Variants in RANBP10 observed in about 807,000 individuals in gnomAD.
RANBP10 encodes RAN binding protein 10, also known as ran-binding protein 10.
RANBP10 carries 24 observed loss-of-function variants against 72.8 expected under a neutral mutation model. That is an observed-to-expected ratio of 0.33 (90% CI 0.24 to 0.46). The LOEUF (loss-of-function observed/expected upper bound fraction) is 0.46, where lower values mean the gene tolerates loss of function less well. RANBP10 is among the 20% of genes least tolerant of loss of function. The pLI is 1.00. For missense variants in RANBP10, 679 were observed against 817.5 expected (o/e 0.83, Z 2.07); for synonymous variants, 310 against 322.3 (o/e 0.96, Z 0.41).
intron 2 of RANBP10, among the ~76,000 whole-genome samples, chr16:67,794,946 CAA>C (rs58774846): frequency 2.1e-5 from 2 of 97,272 alleles, no homozygotes; most frequent in Admixed American, 1.1e-4. Context: ...AAAAAAAAAA[CAA>C]AAAAAAAAAA....
At chr16:67,799,748 C>CACCCCTGGATA (rs1391477229) in intron 2 of RANBP10, among the ~76,000 whole-genome samples, 24 of 152,116 alleles carry the variant, frequency 1.6e-4, no homozygotes, top group Non-Finnish European at 2.4e-4. Flanking sequence ...TCCTCCAGGC[C>CACCCCTGGATA]ACCCCTGGAT....
chr16:67,767,658 G>A (rs1007768440), intron 3 of RANBP10, among the ~76,000 whole-genome samples: 1 of 151,538 alleles, frequency 6.6e-6, no homozygotes, highest in Non-Finnish European at 1.5e-5. Context: ...GTGCTAGGGC[G>A]CTACCTCAGC....
chr16:67,791,938 G>C (rs1408093100), intron 2 of RANBP10, among the ~76,000 whole-genome samples: 1 of 151,578 alleles, frequency 6.6e-6, no homozygotes, highest in African/African-American at 2.4e-5. Context: ...ACCAGCCTTT[G>C]ATAGGCCAAG....
intron 2 of RANBP10, among the ~76,000 whole-genome samples, chr16:67,800,369 G>A (rs1381264756): frequency 6.6e-6 from 1 of 152,128 alleles, no homozygotes; most frequent in Non-Finnish European, 1.5e-5. Context: ...CTTGGGTAAA[G>A]CAACCATCAC....
chr16:67,758,166 G>C lies in RANBP10; in HGVS notation c.401-13711C>G, dbSNP rs115860219. Among the ~76,000 whole-genome samples the C allele has an allele frequency of 3.0e-3, 454 of 152,308 alleles. 1 individual carries two copies. Among genetic ancestry groups the C allele is most frequent in the African/African-American group, 0.011 (443 of 41,558 alleles). The stretch of plus-strand genomic sequence containing the variant: ...GGAACGGCCCAGGGGGGCCAGGCTG[G>C]GTCTAGCTGGGTCTGGATAGGACAT... On this transcript the variant is annotated intron_variant, in intron 3 of 13. Transcript: ENST00000317506.
chr16:67,752,807 C>T (rs2054220847), intron 3 of RANBP10, among the ~76,000 whole-genome samples: 1 of 152,116 alleles, frequency 6.6e-6, no homozygotes, highest in Non-Finnish European at 1.5e-5. Flanking sequence ...ATCTGCTTGC[C>T]ACCAAATAAC....
At chr16:67,752,579 G>GA (rs1277962313) in intron 3 of RANBP10, among the ~76,000 whole-genome samples, 5 of 152,058 alleles carry the variant, frequency 3.3e-5, no homozygotes. Context: ...ATCTTCAACT[G>GA]AAGCTATCAA....
intron 2 of RANBP10, among the ~76,000 whole-genome samples, chr16:67,780,577 C>A (rs2054792561): frequency 2.0e-5 from 3 of 152,092 alleles, no homozygotes; most frequent in Admixed American, 2.0e-4. Flanking sequence ...ACAAGACCAC[C>A]TCTGTCTCTA....
At chr16:67,784,356 T>A (rs1597904726) in intron 2 of RANBP10, among the ~76,000 whole-genome samples, 1 of 152,098 alleles carries the variant, frequency 6.6e-6, no homozygotes, top group Non-Finnish European at 1.5e-5. Context: ...ACCCTATCTC[T>A]ACTAAAAATA....
rs2053714462 is a variant in RANBP10 at position 67,730,772 on chromosome 16, C to CA, written c.889+699dup. On this transcript the variant is annotated intron_variant, in intron 7 of 13. Coordinates refer to ENST00000317506, the MANE Select transcript of RANBP10 (RefSeq NM_020850.3). The surrounding 1 kb of genome is among the most constrained non-coding windows in gnomAD (Gnocchi z 4.3). ...CAGACACGTGCACATACAGAAGAGA[C>CA]AGCAGGCTTGGAGAGGGGTAGGCAG... 6.6e-6 allele frequency among the ~76,000 whole-genome samples: 1 copy of CA among 152,160 alleles called. No individual in the cohort carries two copies. The highest frequency in any genetic ancestry group is 2.4e-5 in the African/African-American group (1 of 41,440).
intron 3 of RANBP10, among the ~76,000 whole-genome samples, chr16:67,758,631 C>T (rs1443589739): frequency 6.6e-6 from 1 of 152,202 alleles, no homozygotes; most frequent in Non-Finnish European, 1.5e-5. Context: ...CAGCCTCACC[C>T]AGTACAATTG....
In RANBP10 at chr16:67,730,406, T is replaced by A. The variant is rs1175469173; in HGVS notation, c.890-360A>T. The stretch of plus-strand genomic sequence containing the variant: ...TCTGGGGATGGGCACCCAGGCAGCT[T>A]GGCGGCCTGAGTGGCTCCTCTTCAG... On this transcript the variant is annotated intron_variant, in intron 7 of 13. Transcript: ENST00000317506. This position sits in a 1 kb window ranked among gnomAD's most constrained non-coding sequence, Gnocchi z 4.3. Among the ~76,000 whole-genome samples, 1 of 152,088 alleles carries A rather than the reference T, an allele frequency of 6.6e-6. No homozygotes were observed. The highest frequency in any genetic ancestry group is 2.4e-5 in the African/African-American group (1 of 41,428).
At chr16:67,793,381 G>A (rs969647995) in intron 2 of RANBP10, among the ~76,000 whole-genome samples, 2 of 150,044 alleles carry the variant, frequency 1.3e-5, no homozygotes, top group Non-Finnish European at 3.0e-5. Flanking sequence ...GCACGACCAC[G>A]GCTCATTGCA....
intron 2 of RANBP10, among the ~76,000 whole-genome samples, chr16:67,779,187 G>A (rs2054767297): frequency 6.6e-6 from 1 of 152,182 alleles, no homozygotes; most frequent in Non-Finnish European, 1.5e-5. Context: ...TTGAGACCAG[G>A]AGTTCGAGAT....
At chr16:67,803,606 C>T (rs1391657339) in intron 2 of RANBP10, among the ~76,000 whole-genome samples, 5 of 143,984 alleles carry the variant, frequency 3.5e-5, no homozygotes, top group South Asian at 4.4e-4. Context: ...GCTGAGATTG[C>T]GCCATTGCAC....
At chr16:67,728,865 A>C (rs993260217) in intron 10 of RANBP10, among the ~76,000 whole-genome samples, 1 of 152,200 alleles carries the variant, frequency 6.6e-6, no homozygotes, top group African/African-American at 2.4e-5. Flanking sequence ...AGCCAAACTC[A>C]GGTCAGCCTT....
intron 3 of RANBP10, among the ~76,000 whole-genome samples, chr16:67,752,731 G>A (rs1435816033): frequency 1.3e-5 from 2 of 152,044 alleles, no homozygotes; most frequent in Non-Finnish European, 2.9e-5. Flanking sequence ...AGTATCACTG[G>A]CTGCTGCAGC....
intron 1 of RANBP10, 134 bp from the exon 2 acceptor site, chr16:67,805,673 AT>A: frequency 1.5e-6 from 1 of 689,238 alleles, no homozygotes; most frequent in Non-Finnish European, 2.5e-6. Flanking sequence ...CCGAGGAATC[AT>A]TAGACAACTG....
chr16:67,751,556 C>T (rs2054196133), intron 3 of RANBP10, among the ~76,000 whole-genome samples: 1 of 151,958 alleles, frequency 6.6e-6, no homozygotes, highest in South Asian at 2.1e-4. Context: ...ACTGGGGAGG[C>T]GGAGATTGGA....
Sources: allele counts gnomAD v4.1 joint callset (sites outside exome capture counted in the v4.1 genomes callset), GRCh38; gene constraint gnomAD v4.1.1; non-coding constraint Gnocchi (gnomAD v3.1); transcripts MANE v1.5; gene names NCBI Gene and HGNC (gene_info 2026-07-23, HGNC 2026-07-21).